Variants in GRIN3A observed in about 807,000 individuals in gnomAD.
GRIN3A encodes the protein glutamate ionotropic receptor NMDA type subunit 3A, also known as glutamate receptor ionotropic, NMDA 3A.
Under a neutral mutation model 92.4 loss-of-function variants are expected in GRIN3A, and 47 were observed. The observed-to-expected ratio is 0.51, with a 90% CI of 0.40 to 0.65. The LOEUF (loss-of-function observed/expected upper bound fraction) is 0.65, where lower values mean the gene tolerates loss of function less well. Among genes scored for constraint, GRIN3A ranks in the 30% least tolerant of loss-of-function variants. The probability of loss-of-function intolerance (pLI) is 0.00; values close to 1 mark genes in which losing one functional copy is unlikely to be tolerated. For missense variants in GRIN3A, 1,324 were observed against 1,393.1 expected (o/e 0.95, Z 0.79); for synonymous variants, 527 against 540.6 (o/e 0.97, Z 0.35).
chr9:101,597,115 A>G (rs73507217), intron 6 of GRIN3A, among the ~76,000 whole-genome samples: 2,787 of 152,250 alleles, frequency 0.018, 89 homozygotes, highest in African/African-American at 0.064. Flanking sequence ...GGACACAACC[A>G]CTGACAGATT....
At chr9:101,699,802 C>G (rs1829731761) in intron 1 of GRIN3A, among the ~76,000 whole-genome samples, 1 of 152,150 alleles carries the variant, frequency 6.6e-6, no homozygotes, top group Non-Finnish European at 1.5e-5. Context: ...CTAAATATAT[C>G]TTAGTTTCTG....
At chr9:101,644,077 A>T (rs939394770) in intron 3 of GRIN3A, among the ~76,000 whole-genome samples, 4 of 151,952 alleles carry the variant, frequency 2.6e-5, no homozygotes, top group Non-Finnish European at 4.4e-5. Context: ...AGATATGTAA[A>T]TAGTTAAAAA....
At chr9:101,702,021 G>A (rs930603287) in intron 1 of GRIN3A, among the ~76,000 whole-genome samples, 1 of 151,494 alleles carries the variant, frequency 6.6e-6, no homozygotes, top group Admixed American at 6.6e-5. Flanking sequence ...TCATTTCTTC[G>A]CTGGGCGTGG....
chr9:101,662,409 A>T (rs1829182513), intron 3 of GRIN3A, among the ~76,000 whole-genome samples: 1 of 151,742 alleles, frequency 6.6e-6, no homozygotes, highest in African/African-American at 2.4e-5. Flanking sequence ...GCTTTACTTG[A>T]ATTATTTAAT....
intron 1 of GRIN3A, among the ~76,000 whole-genome samples, chr9:101,707,550 G>A (rs753112018): frequency 6.6e-6 from 1 of 152,058 alleles, no homozygotes; most frequent in Non-Finnish European, 1.5e-5. Context: ...GAATATAGAG[G>A]GGGGTCATAT....
intron 6 of GRIN3A, among the ~76,000 whole-genome samples, chr9:101,606,543 C>T (rs1588245293): frequency 6.6e-6 from 1 of 152,058 alleles, no homozygotes; most frequent in African/African-American, 2.4e-5. Context: ...TCCCTCACTT[C>T]ACCTGCCCTG....
chr9:101,574,767 T>G (rs1305836671), intron 8 of GRIN3A, among the ~76,000 whole-genome samples: 1 of 152,190 alleles, frequency 6.6e-6, no homozygotes, highest in African/African-American at 2.4e-5. Flanking sequence ...GAGTGGCAGT[T>G]CCAAGCCTAA....
intron 2 of GRIN3A, among the ~76,000 whole-genome samples, chr9:101,679,326 G>T (rs1051832301): frequency 2.6e-5 from 4 of 152,122 alleles, no homozygotes; most frequent in Non-Finnish European, 4.4e-5. Context: ...GCACATAAAA[G>T]CTTGGAAGCT....
intron 6 of GRIN3A, among the ~76,000 whole-genome samples, chr9:101,607,238 G>A (rs1828298993): frequency 6.6e-6 from 1 of 152,004 alleles, no homozygotes; most frequent in African/African-American, 2.4e-5. Flanking sequence ...AAGGTGAATA[G>A]GTCAAGGTTC....
chr9:101,705,803 G>C (rs1021100962), intron 1 of GRIN3A, among the ~76,000 whole-genome samples: 6 of 152,212 alleles, frequency 3.9e-5, no homozygotes, highest in African/African-American at 1.4e-4. Context: ...GCCAGACACT[G>C]TCCTAAGTGC....
intron 3 of GRIN3A, 109 bp from the exon 4 acceptor site, chr9:101,628,510 AC>A: frequency 9.6e-7 from 1 of 1,045,612 alleles, no homozygotes; most frequent in Non-Finnish European, 1.4e-6. Context: ...AACTTTTCTA[AC>A]CCCCACAGGC....
intron 1 of GRIN3A, among the ~76,000 whole-genome samples, chr9:101,730,729 G>A (rs1830127776): frequency 6.6e-6 from 1 of 151,886 alleles, no homozygotes; most frequent in Non-Finnish European, 1.5e-5. Flanking sequence ...GATGAGAGAG[G>A]GCTTTGATAC....
At chr9:101,713,557 C>T (rs575760142) in intron 1 of GRIN3A, among the ~76,000 whole-genome samples, 4 of 152,272 alleles carry the variant, frequency 2.6e-5, no homozygotes, top group East Asian at 1.9e-4. Context: ...GCTTGGGTTA[C>T]CAGAATCACA....
intron 1 of GRIN3A, among the ~76,000 whole-genome samples, chr9:101,690,993 T>C (rs924564863): frequency 6.6e-6 from 1 of 152,084 alleles, no homozygotes; most frequent in Non-Finnish European, 1.5e-5. Flanking sequence ...GGTAAATATG[T>C]ATCAGAAATT....
At chr9:101,675,182 A>G (rs1187832202) in intron 2 of GRIN3A, among the ~76,000 whole-genome samples, 1 of 151,996 alleles carries the variant, frequency 6.6e-6, no homozygotes, top group East Asian at 1.9e-4. Flanking sequence ...TTTTTTATCA[A>G]CAAACCTCCC....
At chr9:101,616,309 C>A (rs1029320793) in intron 5 of GRIN3A, among the ~76,000 whole-genome samples, 3 of 152,164 alleles carry the variant, frequency 2.0e-5, no homozygotes, top group African/African-American at 7.2e-5. Flanking sequence ...TTACTTCCTT[C>A]TAATAAATTA....
intron 6 of GRIN3A, among the ~76,000 whole-genome samples, chr9:101,609,240 G>A (rs761470097): frequency 3.9e-5 from 6 of 152,042 alleles, no homozygotes; most frequent in Non-Finnish European, 7.4e-5. Flanking sequence ...TGAAATATGA[G>A]GAAATCTAAT....
At chr9:101,724,398 C>T (rs1201363996) in intron 1 of GRIN3A, among the ~76,000 whole-genome samples, 13 of 152,146 alleles carry the variant, frequency 8.5e-5, no homozygotes, top group Non-Finnish European at 1.8e-4. Flanking sequence ...AGGGCCGGCC[C>T]GCTGCTCCGA....
chr9:101,628,436 A>G, intron 3 of GRIN3A, 35 bp from the exon 4 acceptor site: 2 of 1,597,970 alleles, frequency 1.3e-6, no homozygotes, highest in Non-Finnish European at 1.7e-6. Flanking sequence ...TTAAATAAAA[A>G]TTATTCTTAG....
Sources: allele counts gnomAD v4.1 joint callset (sites outside exome capture counted in the v4.1 genomes callset), GRCh38; gene constraint gnomAD v4.1.1; transcripts MANE v1.5; gene names NCBI Gene and HGNC (gene_info 2026-07-23, HGNC 2026-07-21).